TMEM62: variants seen among roughly 807,000 people sequenced by gnomAD.
TMEM62 encodes transmembrane protein 62.
A neutral mutation model predicts 70.4 loss-of-function variants in TMEM62; 41 were observed. The observed-to-expected ratio is 0.58, with a 90% CI of 0.45 to 0.76. The LOEUF (loss-of-function observed/expected upper bound fraction) is 0.76, where lower values mean the gene tolerates loss of function less well. Among genes scored for constraint, TMEM62 ranks in the 30% least tolerant of loss-of-function variants. The probability of loss-of-function intolerance (pLI) is 0.00; values close to 1 mark genes in which losing one functional copy is unlikely to be tolerated. For missense variants in TMEM62, 688 were observed against 788.5 expected, an observed-to-expected ratio of 0.87 and a Z score of 1.53; for synonymous variants, 268 against 291.0, an observed-to-expected ratio of 0.92 and a Z score of 0.80.
rs2041037625 is a variant in TMEM62 at position 43,178,698 on chromosome 15, G to C, written c.1473G>C (p.Leu491=). 2 of 1,607,942 alleles carry C rather than the reference G, an allele frequency of 1.2e-6. No individual in the cohort carries two copies. The stretch of plus-strand genomic sequence containing the variant: ...ACTATTCTGTGTTGTTGTTGACCCT[G>C]TATACAGTGCTGGGTAAGTAAATTA... ...IFYYSVLLLT[L]YTVLGPWFFG... Residue 491 remains leucine, a synonymous_variant, in exon 12 of 14, where the codon CTG becomes CTC. Transcript: ENST00000260403.
intron 10 of TMEM62, among the ~76,000 whole-genome samples, chr15:43,163,781 C>CAA (rs34870646): frequency 0.017 from 2,447 of 148,188 alleles, 46 homozygotes; most frequent in African/African-American, 0.05. Flanking sequence ...GACTCCGTCT[C>CAA]AAAAAAAAAA....
In TMEM62 at chr15:43,134,049, G is replaced by A. The variant is rs2034809612; in HGVS notation, c.180+67G>A. The A allele has an allele frequency of 2.8e-6, 4 of 1,436,960 alleles. No homozygotes were observed. The South Asian group carries it at 4.4e-5, about 16-fold the overall frequency. The allele number at this position is 1,436,960 out of a possible 1,614,324, so 89.0% of individuals were successfully genotyped here. A position where few individuals can be genotyped will look rare whatever the true frequency, so the allele number is the denominator to read the frequency against. On this transcript the variant is annotated intron_variant, in intron 1 of 13. Transcript: ENST00000260403. ...GGGCACCGTGCGGTGGGACCCTTGC[G>A]GGTGTTGGGCCCCACGCTCCAGGCT...
chr15:43,157,388 A>G (rs946513456), intron 9 of TMEM62, among the ~76,000 whole-genome samples: 1 of 152,194 alleles, frequency 6.6e-6, no homozygotes, highest in African/African-American at 2.4e-5. Context: ...TACTTTGCCA[A>G]TTTAAAGAGT....
At chr15:43,149,871 T>C (rs2037155167) in intron 7 of TMEM62, among the ~76,000 whole-genome samples, 1 of 152,240 alleles carries the variant, frequency 6.6e-6, no homozygotes, top group South Asian at 2.1e-4. Flanking sequence ...CTTCTTCAAA[T>C]AGATGATAGT....
chr15:43,146,559 T>C lies in TMEM62; in HGVS notation c.543T>C (p.Tyr181=). ...TCCACAGTACTCCCTTTGGCAACTA[T>C]TCGTTCATCTGTGTAGATGCCACTG... is the stretch of plus-strand genomic sequence containing the variant. ...HYVHSTPFGN[Y]SFICVDATVN... The change falls in exon 5 of 14, where the codon TAT becomes TAC. Residue 181 remains tyrosine (Y), a synonymous_variant. Coordinates refer to ENST00000260403, the MANE Select transcript of TMEM62 (RefSeq NM_024956.4). The C allele has an allele frequency of 6.2e-7, 1 of 1,613,662 alleles. No individual in the cohort carries two copies. The highest frequency in any genetic ancestry group is 1.1e-5 in the South Asian group (1 of 91,072).
intron 2 of TMEM62, among the ~76,000 whole-genome samples, chr15:43,135,163 A>G (rs941396755): frequency 6.6e-6 from 1 of 152,242 alleles, no homozygotes; most frequent in African/African-American, 2.4e-5. Flanking sequence ...TGCCATAGAT[A>G]TTAGGCAGCC....
At chr15:43,178,583 GT>G (rs2142089325) in intron 11 of TMEM62, 23 bp from the exon 12 acceptor site, 1 of 1,497,102 alleles carries the variant, frequency 6.7e-7, no homozygotes, top group Non-Finnish European at 9.3e-7. Context: ...TGTTCACTGG[GT>G]TTTTCAACTT....
At chr15:43,137,983 G>A (rs1046466240) in intron 3 of TMEM62, among the ~76,000 whole-genome samples, 2 of 152,174 alleles carry the variant, frequency 1.3e-5, no homozygotes, top group African/African-American at 2.4e-5. Context: ...CTCCAGCCCT[G>A]GCCCCTATCC....
chr15:43,168,077 C>G (rs559005993), intron 10 of TMEM62, among the ~76,000 whole-genome samples: 68 of 150,196 alleles, frequency 4.5e-4, no homozygotes, highest in African/African-American at 1.6e-3. Flanking sequence ...GGCAGCGGTA[C>G]AGTCCAGCTT....
At chr15:43,183,990 T>G in intron 13 of TMEM62, 2 of 460,722 alleles carry the variant, frequency 4.3e-6, no homozygotes, top group Non-Finnish European at 3.9e-6. Context: ...CTTAACACCA[T>G]TGGGTATTAA....
At chr15:43,157,312 C>CAAT (rs2038159176) in intron 9 of TMEM62, among the ~76,000 whole-genome samples, 1 of 152,112 alleles carries the variant, frequency 6.6e-6, no homozygotes, top group African/African-American at 2.4e-5. Flanking sequence ...TCTAGTTTAA[C>CAAT]AATCTCTCCA....
At chr15:43,160,232 G>T (rs562498407) in intron 9 of TMEM62, 1 of 151,470 alleles carries the variant, frequency 6.6e-6, no homozygotes, top group South Asian at 2.2e-4. Context: ...GCCTCCCAAA[G>T]TGCTGGGATT....
In TMEM62 at chr15:43,177,731, A is replaced by C. The variant is rs540709522; in HGVS notation, c.1382-876A>C. On this transcript the variant is annotated intron_variant, in intron 11 of 13. Transcript: ENST00000260403. ...GATGAAATTGGAAATCATCATTCTC[A>C]GTAAACTATCGCAAGGACAAAAAAC... Among the ~76,000 whole-genome samples the C allele has an allele frequency of 3.7e-4, 57 of 152,242 alleles. 1 individual carries two copies. Among genetic ancestry groups the C allele is most frequent in the African/African-American group, 1.4e-3 (56 of 41,464 alleles).
At chr15:43,147,244 A>C (rs1350301141) in intron 5 of TMEM62, among the ~76,000 whole-genome samples, 2 of 152,356 alleles carry the variant, frequency 1.3e-5, no homozygotes, top group Middle Eastern at 6.8e-3. Context: ...GATTACAGGC[A>C]TGAGCCACTG....
rs1056940573 is a variant in TMEM62, at chr15:43,133,871, G to C, written c.69G>C (p.Leu23Phe). Residue 23 changes from leucine to phenylalanine, a missense_variant, in exon 1 of 14, where the codon TTG becomes TTC. Transcript: ENST00000260403. The part of the protein sequence containing the change: ...LAAAALVAML[L>F]EHYGLAGQPS... ...CCGCAGCGCTGGTGGCCATGCTCTTGGAGCACTACGGCCTGGCGGGCCAGC... is the reference window on the plus strand; with the variant it reads ...CCGCAGCGCTGGTGGCCATGCTCTTCGAGCACTACGGCCTGGCGGGCCAGC... 2.0e-5 allele frequency: 30 copies of C among 1,497,040 alleles called. No homozygotes were observed. The African/African-American group carries it at 3.9e-4, about 20-fold the overall frequency. 92.7% of individuals were successfully genotyped at this position (1,497,040 alleles called of 1,614,324 possible).
upstream of TMEM62, chr15:43,133,467 C>T (rs1596163250): frequency 1.7e-5 from 4 of 239,412 alleles, no homozygotes; most frequent in East Asian, 3.3e-4. Flanking sequence ...CTCTAGCCCC[C>T]GCCTCCCGGC....
intron 7 of TMEM62, among the ~76,000 whole-genome samples, chr15:43,151,544 G>A (rs1027090821): frequency 3.9e-5 from 6 of 152,132 alleles, no homozygotes; most frequent in South Asian, 2.1e-4. Flanking sequence ...AGTACATGCC[G>A]TGTACCAGGT....
Position 43,133,744 on chromosome 15 carries a change from G to C in TMEM62, c.-59G>C, listed in dbSNP as rs973376543. The C allele has an allele frequency of 2.5e-6, 3 of 1,223,022 alleles. No individual in the cohort carries two copies. Among genetic ancestry groups the C allele is most frequent in the Non-Finnish European group, 2.1e-6 (2 of 963,564 alleles). The allele number at this position is 1,223,022 out of a possible 1,614,324, so 75.8% of individuals were successfully genotyped here. On this transcript the variant is annotated 5_prime_UTR_variant, in exon 1 of 14. Coordinates refer to ENST00000260403, the MANE Select transcript of TMEM62 (RefSeq NM_024956.4). ...GGAAGTGCAGGCAAAGCGGCTCCCG[G>C]GAGCGCCGCGCGGTCCTGCGCGGGA...
At chr15:43,173,305 ACTG>A (rs1477075600) in intron 11 of TMEM62, among the ~76,000 whole-genome samples, 1 of 152,210 alleles carries the variant, frequency 6.6e-6, no homozygotes, top group African/African-American at 2.4e-5. Context: ...TAGACTCCTA[ACTG>A]CTGCTCTTAT....
Sources: allele counts gnomAD v4.1 joint callset (sites outside exome capture counted in the v4.1 genomes callset), GRCh38; gene constraint gnomAD v4.1.1; transcripts MANE v1.5; gene names NCBI Gene and HGNC (gene_info 2026-07-23, HGNC 2026-07-21).